MARCHF6: variants seen among roughly 807,000 people sequenced by gnomAD.
MARCHF6 encodes the protein E3 ubiquitin-protein ligase MARCHF6.
MARCHF6 carries 31 observed loss-of-function variants against 133.7 expected under a neutral mutation model. That is an observed-to-expected ratio of 0.23 (90% CI 0.17 to 0.31). The LOEUF is 0.31. MARCHF6 is among the 10% of genes least tolerant of loss of function. The pLI is 1.00. For missense variants in MARCHF6, 723 were observed against 1,121.6 expected (o/e 0.64, Z 5.08); for synonymous variants, 395 against 402.5 (o/e 0.98, Z 0.22).
At chr5:10,389,644 C>T (rs1406671081) in intron 5 of MARCHF6, among the ~76,000 whole-genome samples, 1 of 152,188 alleles carries the variant, frequency 6.6e-6, no homozygotes, top group Non-Finnish European at 1.5e-5. Flanking sequence ...TCAAGTGATC[C>T]ACCTGCCTTG....
intron 1 of MARCHF6, among the ~76,000 whole-genome samples, chr5:10,370,720 C>T (rs749762322): frequency 1.3e-4 from 19 of 151,582 alleles, no homozygotes; most frequent in Non-Finnish European, 2.4e-4. Flanking sequence ...GATTAGTAAA[C>T]TGGACAAAGA....
intron 1 of MARCHF6, among the ~76,000 whole-genome samples, chr5:10,362,321 A>G (rs749992951): frequency 6.5e-4 from 99 of 152,266 alleles, no homozygotes; most frequent in Middle Eastern, 3.4e-3. Flanking sequence ...TGCATGTTTC[A>G]TTTCTTCATT....
intron 13 of MARCHF6, 26 bp downstream of exon 13, chr5:10,402,478 G>C (rs373312660): frequency 6.2e-7 from 1 of 1,612,538 alleles, no homozygotes; most frequent in Non-Finnish European, 8.5e-7. Context: ...ACTTAAAATT[G>C]GAAATGATTT....
Position 10,414,931 on chromosome 5 carries a change from A to G in MARCHF6, c.1966+429A>G, listed in dbSNP as rs969999635. 4.6e-5 allele frequency among the ~76,000 whole-genome samples: 7 copies of G among 152,190 alleles called. 1 individual carries two copies. The South Asian group carries it at 8.3e-4, about 18-fold the overall frequency. Reference sequence around the variant, plus strand: ...ATTTTTCACATTCCAGCATATTCAGATAGTCTTAACTTTTTCTAAGAAAAT... The same window carrying G: ...ATTTTTCACATTCCAGCATATTCAGGTAGTCTTAACTTTTTCTAAGAAAAT... On this transcript the variant is annotated intron_variant, in intron 20 of 25. Coordinates refer to ENST00000274140, the MANE Select transcript of MARCHF6 (RefSeq NM_005885.4).
intron 11 of MARCHF6, chr5:10,401,647 C>A (rs189673997): frequency 5.7e-4 from 114 of 198,658 alleles, no homozygotes; most frequent in African/African-American, 2.6e-3. Flanking sequence ...ACAGTTACTT[C>A]TAGTGGTAGG....
intron 1 of MARCHF6, among the ~76,000 whole-genome samples, chr5:10,368,672 C>T (rs1382854935): frequency 2.0e-5 from 3 of 152,080 alleles, no homozygotes; most frequent in Non-Finnish European, 4.4e-5. Flanking sequence ...CTCCACCTCC[C>T]AGGTTCAAGC....
chr5:10,408,661 C>G (rs867260558), intron 17 of MARCHF6, among the ~76,000 whole-genome samples: 27 of 152,298 alleles, frequency 1.8e-4, no homozygotes, highest in Middle Eastern at 3.4e-3. Flanking sequence ...ACTTCAGCGT[C>G]CCGGGTAGCT....
Position 10,411,319 on chromosome 5 carries a change from T to A in MARCHF6, c.1692-14T>A, listed in dbSNP as rs200893202. ...CCTGAAGTGAGACTTGTTACTGATG[T>A]AATTTTTGCACAGGGATCTTCATTC... On this transcript the variant is annotated splice_polypyrimidine_tract_variant and intron_variant, in intron 18 of 25. Transcript: ENST00000274140. 13 of 1,611,142 alleles carry A rather than the reference T, an allele frequency of 8.1e-6. No homozygotes were observed. The highest frequency in any genetic ancestry group is 6.7e-5 in the Admixed American group (4 of 60,000).
chr5:10,381,387 T>C (rs1358114966), intron 3 of MARCHF6, among the ~76,000 whole-genome samples: 2 of 152,216 alleles, frequency 1.3e-5, no homozygotes, highest in African/African-American at 4.8e-5. Context: ...TTAATGCTTA[T>C]ATTTGGGGGA....
intron 1 of MARCHF6, among the ~76,000 whole-genome samples, chr5:10,376,112 AGCT>A (rs966328636): frequency 2.0e-4 from 30 of 152,200 alleles, no homozygotes; most frequent in Admixed American, 9.2e-4. Flanking sequence ...AGCAGTGGCA[AGCT>A]GCTCGGGTCC....
intron 1 of MARCHF6, among the ~76,000 whole-genome samples, chr5:10,355,975 A>G (rs2126628501): frequency 6.6e-6 from 1 of 152,330 alleles, no homozygotes; most frequent in East Asian, 1.9e-4. Flanking sequence ...TGAAATTATT[A>G]GTCATGAAAT....
At chr5:10,402,643 T>G in intron 14 of MARCHF6, 36 bp downstream of exon 14, 1 of 1,508,558 alleles carries the variant, frequency 6.6e-7, no homozygotes, top group Non-Finnish European at 9.2e-7. Context: ...AATAGCATAA[T>G]TTAAGGGCTT....
intron 4 of MARCHF6, among the ~76,000 whole-genome samples, chr5:10,384,910 G>A (rs1179768471): frequency 6.6e-6 from 1 of 152,126 alleles, no homozygotes; most frequent in Non-Finnish European, 1.5e-5. Flanking sequence ...AATGACCACA[G>A]CAGTTTTATT....
chr5:10,396,036 T>C (rs571535658), intron 9 of MARCHF6, among the ~76,000 whole-genome samples: 1 of 152,192 alleles, frequency 6.6e-6, no homozygotes, highest in Non-Finnish European at 1.5e-5. Context: ...GTAGTGGTGG[T>C]GACTCAAACT....
intron 9 of MARCHF6, among the ~76,000 whole-genome samples, chr5:10,395,148 A>G (rs766577847): frequency 1.3e-5 from 2 of 152,196 alleles, no homozygotes; most frequent in African/African-American, 4.8e-5. Context: ...AGTGATTCAG[A>G]AACTTCACAT....
At chr5:10,363,967 T>C (rs1735976059) in intron 1 of MARCHF6, among the ~76,000 whole-genome samples, 1 of 152,210 alleles carries the variant, frequency 6.6e-6, no homozygotes, top group Non-Finnish European at 1.5e-5. Flanking sequence ...GAGTAGGAAG[T>C]ATCCACTAAT....
intron 2 of MARCHF6, 54 bp from the exon 3 acceptor site, chr5:10,378,705 T>G (rs1736936534): frequency 3.7e-6 from 4 of 1,092,134 alleles, no homozygotes; most frequent in Non-Finnish European, 1.4e-6. Context: ...TCGACAAAAC[T>G]GTAATGTTTC....
chr5:10,405,423 A>G (rs1281930255), intron 15 of MARCHF6, 135 bp from the exon 16 acceptor site: 1 of 641,966 alleles, frequency 1.6e-6, no homozygotes, highest in Non-Finnish European at 2.5e-6. Context: ...TCCTAAGAAT[A>G]CCATGTACAT....
intron 22 of MARCHF6, 132 bp from the exon 23 acceptor site, chr5:10,423,603 T>C (rs113166248): frequency 1.7e-5 from 8 of 482,814 alleles, no homozygotes; most frequent in African/African-American, 8.0e-5. Context: ...CGTTAGTCTT[T>C]TGTAAAATTG....
Sources: allele counts gnomAD v4.1 joint callset (sites outside exome capture counted in the v4.1 genomes callset), GRCh38; gene constraint gnomAD v4.1.1; transcripts MANE v1.5; gene names NCBI Gene and HGNC (gene_info 2026-07-23, HGNC 2026-07-21).